Variants in TTC7A observed in about 807,000 individuals in gnomAD.
The protein encoded by TTC7A is tetratricopeptide repeat protein 7A.
A neutral mutation model predicts 103.7 loss-of-function variants in TTC7A; 110 were observed. The ratio of observed to expected loss-of-function variants is 1.06; its 90% confidence interval spans 0.91 to 1.24. The LOEUF (loss-of-function observed/expected upper bound fraction) is 1.24. TTC7A is among the 50% of genes most tolerant of loss of function. The probability of loss-of-function intolerance (pLI) is 0.00; values close to 1 mark genes in which losing one functional copy is unlikely to be tolerated. For synonymous variants in TTC7A, 521 were observed against 467.9 expected, an observed-to-expected ratio of 1.11 and a Z score of -1.47; for missense variants, 1,340 against 1,116.3, an observed-to-expected ratio of 1.20 and a Z score of -2.86.
chr2:46,997,586 C>T (rs1281161122), intron 8 of TTC7A, among the ~76,000 whole-genome samples: 2 of 152,154 alleles, frequency 1.3e-5, no homozygotes, highest in Admixed American at 1.3e-4. Flanking sequence ...AGCCTTGAAG[C>T]CATGACTCGA....
chr2:46,960,988 G>A (rs1466479697), intron 3 of TTC7A, among the ~76,000 whole-genome samples: 3 of 152,226 alleles, frequency 2.0e-5, no homozygotes, highest in African/African-American at 4.8e-5. Flanking sequence ...GGTATTTGTG[G>A]ACGAGTTGTT....
rs1675817986 is a variant in TTC7A, at chr2:46,993,349, C to T, written c.765-101C>T. 3.6e-6 allele frequency: 4 copies of T among 1,111,228 alleles called. No homozygotes were observed. The East Asian group carries it at 9.4e-5, about 26-fold the overall frequency. 68.8% of individuals were successfully genotyped at this position (1,111,228 alleles called of 1,614,324 possible). The stretch of plus-strand genomic sequence containing the variant: ...AGTTATCGAATGTGTTCAAATAAAA[C>T]TCCAGCAGTCAGCTCCTCCTGGGGT... On this transcript the variant is annotated intron_variant, in intron 5 of 19. Coordinates refer to ENST00000319190, the MANE Select transcript of TTC7A (RefSeq NM_020458.4).
At chr2:46,918,864 A>T (rs1177585634) in intron 2 of TTC7A, among the ~76,000 whole-genome samples, 2 of 152,238 alleles carry the variant, frequency 1.3e-5, no homozygotes, top group African/African-American at 4.8e-5. Context: ...GAGATTAAAG[A>T]AAGTAACGAC....
chr2:47,041,810 C>CA (rs565283856), intron 15 of TTC7A, among the ~76,000 whole-genome samples: 13 of 150,402 alleles, frequency 8.6e-5, no homozygotes, highest in African/African-American at 3.2e-4. Flanking sequence ...GCCTAGGTGG[C>CA]AAAAAAAGAT....
intron 4 of TTC7A, among the ~76,000 whole-genome samples, chr2:46,975,435 C>A (rs867301518): frequency 9.2e-5 from 14 of 151,994 alleles, no homozygotes; most frequent in African/African-American, 3.4e-4. Flanking sequence ...GGACATCCTT[C>A]CCTGCTCTCG....
chr2:47,063,835 C>T (rs573746555), intron 19 of TTC7A, among the ~76,000 whole-genome samples: 12 of 152,286 alleles, frequency 7.9e-5, no homozygotes, highest in African/African-American at 2.2e-4. Flanking sequence ...GGAAAGTGGT[C>T]GGTGGAGGTA....
intron 11 of TTC7A, among the ~76,000 whole-genome samples, chr2:47,013,690 C>T (rs1678318795): frequency 1.3e-5 from 2 of 152,180 alleles, no homozygotes; most frequent in African/African-American, 4.8e-5. Context: ...ATTCAGATTA[C>T]ATGGTAATAA....
At chr2:47,047,181 C>CT in intron 16 of TTC7A, 2 of 771,932 alleles carry the variant, frequency 2.6e-6, no homozygotes, top group South Asian at 1.7e-5. Flanking sequence ...TCCTGATCCT[C>CT]TTGTCCTTCT....
In TTC7A at chr2:46,997,051, T is replaced by C. The variant is rs1676276492; in HGVS notation, c.1065+1852T>C. 2.6e-5 allele frequency among the ~76,000 whole-genome samples: 4 copies of C among 152,168 alleles called. No homozygotes were observed. In the South Asian group the frequency reaches 6.2e-4, roughly 24 times the overall value. ...TGGAGTGCAGTGGTGCGATCCTGGCTCACTGCAACCTCTGTCTCCCAGGTT... is the reference window on the plus strand; with the variant it reads ...TGGAGTGCAGTGGTGCGATCCTGGCCCACTGCAACCTCTGTCTCCCAGGTT... On this transcript the variant is annotated intron_variant, in intron 8 of 19. Transcript: ENST00000319190.
At position 46,941,857 on chromosome 2, in the gene TTC7A, G is replaced by C. The variant is rs1670435135; in HGVS notation, c.184+132G>C. ...GCCCACCGTGCTAGTCTTAAGAGCAGCCAGGGCAGTTAGGAAGGTCCTTCT... is the reference window on the plus strand; with the variant it reads ...GCCCACCGTGCTAGTCTTAAGAGCACCCAGGGCAGTTAGGAAGGTCCTTCT... On this transcript the variant is annotated intron_variant, in intron 1 of 19. Coordinates refer to ENST00000319190, the MANE Select transcript of TTC7A (RefSeq NM_020458.4). This position sits in a 1 kb window ranked among gnomAD's most constrained non-coding sequence, Gnocchi z 4.2. 5.9e-6 allele frequency: 7 copies of C among 1,194,762 alleles called. No individual in the cohort carries two copies. The highest frequency in any genetic ancestry group is 8.2e-6 in the Non-Finnish European group (7 of 854,236). The allele number at this position is 1,194,762 out of a possible 1,614,324, so 74.0% of individuals were successfully genotyped here.
intron 10 of TTC7A, among the ~76,000 whole-genome samples, chr2:47,008,911 A>T (rs564960911): frequency 1.1e-4 from 17 of 152,178 alleles, no homozygotes; most frequent in African/African-American, 4.1e-4. Flanking sequence ...GACAAAAAAA[A>T]AAAAAGCTGC....
chr2:47,069,282 C>T (rs990267658), intron 19 of TTC7A, among the ~76,000 whole-genome samples: 9 of 152,180 alleles, frequency 5.9e-5, no homozygotes, highest in East Asian at 1.9e-4. Flanking sequence ...TGTGACCCAT[C>T]GGGCCCCTGG....
In TTC7A at chr2:46,926,862, A is replaced by G. The variant is rs79889151; in HGVS notation, c.82+9585A>G. 3.3e-5 allele frequency among the ~76,000 whole-genome samples: 5 copies of G among 152,342 alleles called. No homozygotes were observed. In the East Asian group the frequency reaches 9.6e-4, roughly 29 times the overall value. Reference sequence around the variant, plus strand: ...TGTTAAACACTGCTTACTATCTTCAAAGAAATAAAAGCCAAATTTAAAAAT... The same window carrying G: ...TGTTAAACACTGCTTACTATCTTCAGAGAAATAAAAGCCAAATTTAAAAAT... On this transcript the variant is annotated intron_variant, in intron 2 of 20. Coordinates refer to the TTC7A transcript ENST00000409245.
chr2:47,032,587 G>A (rs951136599), intron 15 of TTC7A, among the ~76,000 whole-genome samples: 4 of 152,022 alleles, frequency 2.6e-5, no homozygotes, highest in African/African-American at 9.7e-5. Flanking sequence ...GTCACTCACC[G>A]TAGAGTGTGC....
At chr2:46,975,998 A>T (rs1167193145) in intron 4 of TTC7A, among the ~76,000 whole-genome samples, 1 of 152,128 alleles carries the variant, frequency 6.6e-6, no homozygotes, top group East Asian at 1.9e-4. Flanking sequence ...CAGCCTCCCA[A>T]AGTGCTGGGA....
chr2:47,006,836 G>C, intron 10 of TTC7A, 112 bp downstream of exon 10: 1 of 864,090 alleles, frequency 1.2e-6, no homozygotes, highest in Non-Finnish European at 1.9e-6. Context: ...CCTGCCGCTG[G>C]TTTGAACCTC....
intron 11 of TTC7A, among the ~76,000 whole-genome samples, chr2:47,013,275 C>T (rs1678272688): frequency 6.6e-6 from 1 of 152,158 alleles, no homozygotes; most frequent in South Asian, 2.1e-4. Flanking sequence ...ACCCTTGGTT[C>T]CCAGGTCTTT....
rs560731756 is a variant in TTC7A, at chr2:46,972,264, T to C, written c.518-2709T>C. On this transcript the variant is annotated intron_variant, in intron 3 of 19. Coordinates refer to ENST00000319190, the MANE Select transcript of TTC7A (RefSeq NM_020458.4). ...ATACAGCATTAATTTCTAGTAAGGCTAACAATGCTATATCCCTTCTGTGTT... is the reference window on the plus strand; with the variant it reads ...ATACAGCATTAATTTCTAGTAAGGCCAACAATGCTATATCCCTTCTGTGTT... Among the ~76,000 whole-genome samples, 27 of 152,356 alleles carry C rather than the reference T, an allele frequency of 1.8e-4. 1 individual carries two copies. The highest frequency in any genetic ancestry group is 6.5e-4 in the African/African-American group (27 of 41,586).
chr2:46,927,536 G>A (rs1669454150), intron 2 of TTC7A, among the ~76,000 whole-genome samples: 1 of 151,450 alleles, frequency 6.6e-6, no homozygotes, highest in Non-Finnish European at 1.5e-5. Context: ...TTGTTTTTGT[G>A]TTTTTAGTGG....
Sources: allele counts gnomAD v4.1 joint callset (sites outside exome capture counted in the v4.1 genomes callset), GRCh38; gene constraint gnomAD v4.1.1; non-coding constraint Gnocchi (gnomAD v3.1); transcripts MANE v1.5; gene names NCBI Gene and HGNC (gene_info 2026-07-23, HGNC 2026-07-21).